Variants in C3orf70 observed in about 807,000 individuals in gnomAD.
C3orf70 encodes chromosome 3 open reading frame 70.
Under a neutral mutation model 20.7 loss-of-function variants are expected in C3orf70, and 15 were observed. That is an observed-to-expected ratio of 0.72 (90% CI 0.48 to 1.11). C3orf70 has a LOEUF of 1.11. C3orf70 is among the 50% of genes most tolerant of loss of function. C3orf70 has a pLI of 0.00. For missense variants in C3orf70, 332 were observed against 317.6 expected (o/e 1.05, Z -0.34); for synonymous variants, 161 against 125.7 (o/e 1.28, Z -1.88).
chr3:185,103,733 C>G (rs570152978), intron 1 of C3orf70, among the ~76,000 whole-genome samples: 1 of 152,284 alleles, frequency 6.6e-6, no homozygotes, highest in Admixed American at 6.5e-5. Flanking sequence ...CCTGAAAAAT[C>G]ATGGCTACAG....
At chr3:185,119,925 G>A (rs931635524) in intron 1 of C3orf70, among the ~76,000 whole-genome samples, 3 of 151,204 alleles carry the variant, frequency 2.0e-5, no homozygotes, top group Non-Finnish European at 4.4e-5. Flanking sequence ...TCGAGGTTGA[G>A]GCAGGAGGAT....
At chr3:185,097,482 T>C (rs1715732960) in intron 1 of C3orf70, among the ~76,000 whole-genome samples, 1 of 152,206 alleles carries the variant, frequency 6.6e-6, no homozygotes, top group Non-Finnish European at 1.5e-5. Flanking sequence ...ATAAAACTAC[T>C]GAGTTAAAAG....
At chr3:185,083,664 G>A in intron 1 of C3orf70, 101 bp from the exon 2 acceptor site, 3 of 965,414 alleles carry the variant, frequency 3.1e-6, no homozygotes, top group Non-Finnish European at 4.4e-6. Context: ...AAATATTTCA[G>A]TAACACCTCA....
intron 1 of C3orf70, among the ~76,000 whole-genome samples, chr3:185,140,524 CAT>C: frequency 6.6e-6 from 1 of 152,250 alleles, no homozygotes; most frequent in Middle Eastern, 3.4e-3. Context: ...TTGTGGGCTG[CAT>C]GTTTGTCCCC....
chr3:185,083,278 T>A lies in C3orf70; in HGVS notation c.482A>T (p.Glu161Val). 3 of 1,614,260 alleles carry A rather than the reference T, an allele frequency of 1.9e-6. No homozygotes were observed. The highest frequency in any genetic ancestry group is 2.5e-6 in the Non-Finnish European group (3 of 1,180,054). ...APHSHRMSPEEVSAHDALISK... is the reference protein window; with the variant it reads ...APHSHRMSPEVVSAHDALISK... ...AATTAAGGCATCGTGTGCAGAGACC[T>A]CCTCAGGGCTCATTCTGTGGGAATG... Residue 161 changes from glutamate (E) to valine (V), a missense_variant, in exon 2 of 2, where the codon GAG becomes GTG. Glu to Val is a moderately radical substitution (Grantham distance 121). Coordinates refer to ENST00000335012, the MANE Select transcript of C3orf70 (RefSeq NM_001025266.3).
chr3:185,092,998 A>G (rs1715626874), intron 1 of C3orf70, among the ~76,000 whole-genome samples: 1 of 152,144 alleles, frequency 6.6e-6, no homozygotes, highest in Non-Finnish European at 1.5e-5. Context: ...TCAAAAAAAA[A>G]AAAAAAAAGA....
In C3orf70 at chr3:185,078,063, GA is replaced by G. The variant is rs138506893; in HGVS notation, c.*4943del. 0.017 allele frequency: 2,600 copies of G among 148,634 alleles called. 65 individuals are homozygous for G. Among genetic ancestry groups the G allele is most frequent in the African/African-American group, 0.053 (2,164 of 40,554 alleles). 9.2% of individuals were successfully genotyped at this position (148,634 alleles called of 1,614,324 possible). A position where few individuals can be genotyped will look rare whatever the true frequency, so the allele number is the denominator to read the frequency against. On this transcript the variant is annotated 3_prime_UTR_variant, in exon 2 of 2. Coordinates refer to ENST00000335012, the MANE Select transcript of C3orf70 (RefSeq NM_001025266.3). ...ACAGCAGATTTGTTCTGGTATAAAAGAAAAAAAAAATCACGTTTATTTTACA... is the reference window on the plus strand; with the variant it reads ...ACAGCAGATTTGTTCTGGTATAAAAGAAAAAAAAATCACGTTTATTTTACA...
chr3:185,113,085 A>G (rs906379379), intron 1 of C3orf70, among the ~76,000 whole-genome samples: 3 of 152,126 alleles, frequency 2.0e-5, no homozygotes, highest in Non-Finnish European at 2.9e-5. Context: ...GGACCATCTA[A>G]TGTTTGCCTT....
intron 1 of C3orf70, among the ~76,000 whole-genome samples, chr3:185,137,166 G>T (rs1716646177): frequency 6.6e-6 from 1 of 152,132 alleles, no homozygotes; most frequent in Non-Finnish European, 1.5e-5. Context: ...TTATAAAAAG[G>T]GGAGTTTCCC....
intron 1 of C3orf70, among the ~76,000 whole-genome samples, chr3:185,116,235 T>C (rs1716170216): frequency 6.6e-6 from 1 of 152,212 alleles, no homozygotes; most frequent in African/African-American, 2.4e-5. Flanking sequence ...AAGAATGCTA[T>C]TTATTGGTAC....
chr3:185,132,362 A>C (rs1320631865), intron 1 of C3orf70, among the ~76,000 whole-genome samples: 1 of 152,174 alleles, frequency 6.6e-6, no homozygotes, highest in Non-Finnish European at 1.5e-5. Context: ...ACTATTAAAA[A>C]TGAGGAAGTC....
intron 1 of C3orf70, among the ~76,000 whole-genome samples, chr3:185,095,502 T>C (rs990629153): frequency 6.6e-6 from 1 of 152,108 alleles, no homozygotes; most frequent in African/African-American, 2.4e-5. Flanking sequence ...TATTTATTGA[T>C]AAGGGGATGA....
At chr3:185,108,345 T>A (rs1715990737) in intron 1 of C3orf70, among the ~76,000 whole-genome samples, 1 of 152,248 alleles carries the variant, frequency 6.6e-6, no homozygotes, top group South Asian at 2.1e-4. Context: ...ATTGAGGTAT[T>A]GACTGCTTTT....
chr3:185,079,982 T>C lies in C3orf70; in HGVS notation c.*3025A>G, dbSNP rs1012523615. 2.0e-5 allele frequency: 3 copies of C among 152,692 alleles called. No individual in the cohort carries two copies. Among genetic ancestry groups the C allele is most frequent in the African/African-American group, 7.2e-5 (3 of 41,476 alleles). 9.5% of individuals were successfully genotyped at this position (152,692 alleles called of 1,614,324 possible). Reference sequence around the variant, plus strand: ...CGTTACAGAGAATTCCTTCACATAATATAGAACAGGCCTAGAATTTAAAGT... The same window carrying C: ...CGTTACAGAGAATTCCTTCACATAACATAGAACAGGCCTAGAATTTAAAGT... On this transcript the variant is annotated 3_prime_UTR_variant, in exon 2 of 2. Transcript: ENST00000335012.
chr3:185,152,847 GAC>G lies in C3orf70; in HGVS notation c.-26_-25del. 2 of 1,496,430 alleles carry G rather than the reference GAC, an allele frequency of 1.3e-6. No homozygotes were observed. The highest frequency in any genetic ancestry group is 1.8e-6 in the Non-Finnish European group (2 of 1,118,844). The allele number at this position is 1,496,430 out of a possible 1,614,324, so 92.7% of individuals were successfully genotyped here. A position where few individuals can be genotyped will look rare whatever the true frequency, so the allele number is the denominator to read the frequency against. The stretch of plus-strand genomic sequence containing the variant: ...ATTTCCTCTCCCTCCGCGCGGAGCC[GAC>G]ACCGGGAGCCCGGGAGAAGCGACGT... On this transcript the variant is annotated 5_prime_UTR_variant, in exon 1 of 2. Transcript: ENST00000335012.
At chr3:185,114,258 T>G (rs1716133182) in intron 1 of C3orf70, among the ~76,000 whole-genome samples, 1 of 147,958 alleles carries the variant, frequency 6.8e-6, no homozygotes, top group Admixed American at 6.7e-5. Context: ...ATACCATAAA[T>G]GGTAACTTTG....
chr3:185,091,942 TATATATATATATATATATA>T (rs1715591925), intron 1 of C3orf70, among the ~76,000 whole-genome samples: 1 of 4,768 alleles, frequency 2.1e-4, no homozygotes, highest in African/African-American at 9.6e-4. Context: ...TATATATATA[TATATATATATATATATATA>T]TATTTTTTTT....
At chr3:185,107,797 G>A (rs751742416) in intron 1 of C3orf70, among the ~76,000 whole-genome samples, 1 of 152,126 alleles carries the variant, frequency 6.6e-6, no homozygotes, top group Non-Finnish European at 1.5e-5. Flanking sequence ...AGCCAGGATT[G>A]CCTTCTCCTG....
At chr3:185,125,050 A>G (rs1716379378) in intron 1 of C3orf70, among the ~76,000 whole-genome samples, 1 of 152,112 alleles carries the variant, frequency 6.6e-6, no homozygotes, top group African/African-American at 2.4e-5. Context: ...ATATTCATTC[A>G]TTGTTGGTGG....
Sources: allele counts gnomAD v4.1 joint callset (sites outside exome capture counted in the v4.1 genomes callset), GRCh38; gene constraint gnomAD v4.1.1; transcripts MANE v1.5; gene names NCBI Gene and HGNC (gene_info 2026-07-23, HGNC 2026-07-21).